Variants in RBM27 observed in about 807,000 individuals in gnomAD.
RBM27 encodes RNA binding motif protein 27.
Under a neutral mutation model 135.3 loss-of-function variants are expected in RBM27, and 22 were observed. That is an observed-to-expected ratio of 0.16 (90% CI 0.12 to 0.23). RBM27 has a LOEUF of 0.23. Ranked by LOEUF, RBM27 falls within the 10% of genes least tolerant of loss-of-function variation. RBM27 has a pLI of 1.00. For synonymous variants in RBM27, 481 were observed against 442.4 expected, an observed-to-expected ratio of 1.09 and a Z score of -1.10; for missense variants, 1,009 against 1,281.0, an observed-to-expected ratio of 0.79 and a Z score of 3.24.
intron 1 of RBM27, among the ~76,000 whole-genome samples, chr5:146,208,891 T>C (rs2126671376): frequency 6.6e-6 from 1 of 152,350 alleles, no homozygotes; most frequent in Non-Finnish European, 1.5e-5. Flanking sequence ...GCTGCTTGTT[T>C]GGCTTAGTGT....
chr5:146,222,450 G>A (rs759748974), intron 2 of RBM27, among the ~76,000 whole-genome samples: 39 of 152,208 alleles, frequency 2.6e-4, no homozygotes, highest in Admixed American at 2.1e-3. Flanking sequence ...TTGGGAGGCC[G>A]AGGCAGGCAG....
intron 6 of RBM27, 58 bp downstream of exon 6, chr5:146,230,975 G>A: frequency 6.6e-7 from 1 of 1,504,418 alleles, no homozygotes; most frequent in Admixed American, 1.8e-5. Flanking sequence ...AGCAAATGTT[G>A]CATATATTGC....
intron 2 of RBM27, among the ~76,000 whole-genome samples, chr5:146,220,492 ATAT>A (rs1756409524): frequency 1.3e-5 from 1 of 76,306 alleles, no homozygotes; most frequent in Non-Finnish European, 3.3e-5. Context: ...AAAAAAAAAT[ATAT>A]ATATATATAT....
chr5:146,255,133 C>T, intron 10 of RBM27, 41 bp downstream of exon 10: 3 of 1,553,638 alleles, frequency 1.9e-6, no homozygotes, highest in Middle Eastern at 1.7e-4. Flanking sequence ...AAGTGTTATG[C>T]AGTAGTTGGA....
chr5:146,213,467 G>T (rs543136537), intron 1 of RBM27, among the ~76,000 whole-genome samples: 3 of 151,866 alleles, frequency 2.0e-5, no homozygotes, highest in South Asian at 2.1e-4. Flanking sequence ...TTTAAGCTGT[G>T]GCTCAGAAGC....
intron 9 of RBM27, among the ~76,000 whole-genome samples, chr5:146,252,243 A>G (rs1163269586): frequency 6.6e-6 from 1 of 152,224 alleles, no homozygotes; most frequent in African/African-American, 2.4e-5. Context: ...ACAAAACAAA[A>G]ATAAACATCT....
intron 1 of RBM27, among the ~76,000 whole-genome samples, chr5:146,213,066 A>G (rs1468266870): frequency 2.0e-5 from 3 of 151,970 alleles, no homozygotes; most frequent in Non-Finnish European, 4.4e-5. Context: ...CTAGTTTATC[A>G]TAAGTGTAAC....
intron 1 of RBM27, among the ~76,000 whole-genome samples, chr5:146,207,493 A>G (rs6882517): frequency 0.38 from 57,224 of 151,454 alleles, 11,301 homozygotes; most frequent in African/African-American, 0.48. Context: ...GATTACAGGC[A>G]TGAGCCACTG....
At chr5:146,265,712 T>C (rs1758585542) in intron 14 of RBM27, among the ~76,000 whole-genome samples, 2 of 152,188 alleles carry the variant, frequency 1.3e-5, no homozygotes, top group Admixed American at 6.5e-5. Context: ...TAAAGAAAGC[T>C]CTTTCTAATC....
At chr5:146,213,391 G>A (rs896947539) in intron 1 of RBM27, among the ~76,000 whole-genome samples, 3 of 152,026 alleles carry the variant, frequency 2.0e-5, no homozygotes, top group South Asian at 4.2e-4. Flanking sequence ...GAGCCACCAC[G>A]CCCAGCCAAG....
intron 1 of RBM27, among the ~76,000 whole-genome samples, chr5:146,204,556 T>A (rs1250221134): frequency 6.6e-6 from 1 of 152,178 alleles, no homozygotes; most frequent in African/African-American, 2.4e-5. Context: ...AAAAGAGGTT[T>A]CTGTAAGTTT....
chr5:146,288,651 C>G lies in RBM27; in HGVS notation c.*2621C>G, dbSNP rs996106896. The stretch of plus-strand genomic sequence containing the variant: ...AGCATCTAAAGCAAGTTCTGTCCCT[C>G]TTAATGTGTATGACATCTTTTTAAG... On this transcript the variant is annotated 3_prime_UTR_variant, in exon 21 of 21. Coordinates refer to ENST00000265271, the MANE Select transcript of RBM27 (RefSeq NM_018989.2). The G allele has an allele frequency of 1.3e-5, 2 of 152,060 alleles. No individual in the cohort carries two copies. The highest frequency in any genetic ancestry group is 1.5e-5 in the Non-Finnish European group (1 of 67,950). 9.4% of individuals were successfully genotyped at this position (152,060 alleles called of 1,614,324 possible).
chr5:146,220,937 G>C (rs1289233819), intron 2 of RBM27, among the ~76,000 whole-genome samples: 1 of 152,070 alleles, frequency 6.6e-6, no homozygotes, highest in Non-Finnish European at 1.5e-5. Flanking sequence ...GAAAGGATTG[G>C]CCAGGCGCGG....
intron 8 of RBM27, among the ~76,000 whole-genome samples, chr5:146,251,054 C>A (rs925130336): frequency 1.0e-5 from 1 of 96,696 alleles, no homozygotes; most frequent in Non-Finnish European, 2.7e-5. Context: ...GGATTACAGG[C>A]GTGAGCCACG....
intron 8 of RBM27, among the ~76,000 whole-genome samples, chr5:146,241,051 A>G (rs1757391100): frequency 6.6e-6 from 1 of 152,084 alleles, no homozygotes; most frequent in Non-Finnish European, 1.5e-5. Flanking sequence ...TGCCTTTTGG[A>G]CTTGTAAATA....
At chr5:146,226,254 G>A (rs1204994666) in intron 3 of RBM27, among the ~76,000 whole-genome samples, 2 of 151,734 alleles carry the variant, frequency 1.3e-5, no homozygotes. Context: ...TATAGATTAT[G>A]TTTTTTATAA....
intron 19 of RBM27, among the ~76,000 whole-genome samples, chr5:146,274,629 C>T (rs1759015875): frequency 6.6e-6 from 1 of 152,084 alleles, no homozygotes. Context: ...GATGAAGCAT[C>T]AGTGTTTTAT....
rs182262733 is a variant in RBM27, at chr5:146,242,135, G to A, written c.1279+4703G>A. ...AAAAAAAAAATCTTTTGTATGTAGA[G>A]GCAGGGTCTTGCTGTCTTACCCAGG... On this transcript the variant is annotated intron_variant, in intron 8 of 20. Coordinates refer to ENST00000265271, the MANE Select transcript of RBM27 (RefSeq NM_018989.2). Among the ~76,000 whole-genome samples, 379 of 152,164 alleles carry A rather than the reference G, an allele frequency of 2.5e-3. 4 individuals are homozygous for A. Among genetic ancestry groups the A allele is most frequent in the African/African-American group, 8.8e-3 (366 of 41,516 alleles).
At chr5:146,247,295 T>C (rs1212360753) in intron 8 of RBM27, among the ~76,000 whole-genome samples, 1 of 152,202 alleles carries the variant, frequency 6.6e-6, no homozygotes, top group East Asian at 1.9e-4. Context: ...AGATAAGAAT[T>C]AAACATACAT....
Sources: allele counts gnomAD v4.1 joint callset (sites outside exome capture counted in the v4.1 genomes callset), GRCh38; gene constraint gnomAD v4.1.1; transcripts MANE v1.5; gene names NCBI Gene and HGNC (gene_info 2026-07-23, HGNC 2026-07-21).